CHST11: variants seen among roughly 807,000 people sequenced by gnomAD.
CHST11 encodes the protein C4S-1.
Under a neutral mutation model 30.4 loss-of-function variants are expected in CHST11, and 9 were observed. That is an observed-to-expected ratio of 0.30 (90% CI 0.18 to 0.52). CHST11 has a LOEUF of 0.52. CHST11 is among the 20% of genes least tolerant of loss of function. The pLI is 0.97. For synonymous variants in CHST11, 152 were observed against 187.8 expected (o/e 0.81, Z 1.56); for missense variants, 348 against 460.6 (o/e 0.76, Z 2.24).
At chr12:104,582,616 C>G (rs2038757869) in intron 1 of CHST11, among the ~76,000 whole-genome samples, 1 of 152,110 alleles carries the variant, frequency 6.6e-6, no homozygotes, top group Non-Finnish European at 1.5e-5. Context: ...GTTGGGAACA[C>G]TCAGAGATAA....
In CHST11 at chr12:104,647,874, G is replaced by A. The variant is rs538119769; in HGVS notation, c.204+45883G>A. On this transcript the variant is annotated intron_variant, in intron 2 of 2. Transcript: ENST00000303694. The stretch of plus-strand genomic sequence containing the variant: ...GCTTTCAAGGTGGTGCCCTCACATG[G>A]TTATCAAGTTCGTACTTTTCCACGT... Among the ~76,000 whole-genome samples the A allele has an allele frequency of 1.8e-4, 27 of 152,316 alleles. 1 individual carries two copies. The highest frequency in any genetic ancestry group is 1.6e-3 in the Admixed American group (25 of 15,304).
intron 1 of CHST11, among the ~76,000 whole-genome samples, chr12:104,474,554 C>T (rs1480709506): frequency 6.6e-6 from 1 of 152,150 alleles, no homozygotes; most frequent in African/African-American, 2.4e-5. Flanking sequence ...AAAATAAATC[C>T]AGGGCTGATA....
At chr12:104,521,833 G>T (rs909409166) in intron 1 of CHST11, among the ~76,000 whole-genome samples, 5 of 152,176 alleles carry the variant, frequency 3.3e-5, no homozygotes, top group Admixed American at 3.3e-4. Flanking sequence ...GTCGTATCTT[G>T]TTTCCCTGCC....
chr12:104,638,802 C>T (rs1457986754), intron 2 of CHST11, among the ~76,000 whole-genome samples: 2 of 152,190 alleles, frequency 1.3e-5, no homozygotes, highest in Non-Finnish European at 2.9e-5. Context: ...CAACTTCTTT[C>T]ATAGGGTATA....
intron 1 of CHST11, among the ~76,000 whole-genome samples, chr12:104,549,104 T>G (rs1204809033): frequency 6.6e-6 from 1 of 152,182 alleles, no homozygotes; most frequent in Non-Finnish European, 1.5e-5. Flanking sequence ...AAAATATGAT[T>G]GCGGTAAAGC....
intron 1 of CHST11, among the ~76,000 whole-genome samples, chr12:104,508,138 A>G (rs1398681486): frequency 1.3e-5 from 2 of 152,084 alleles, no homozygotes; most frequent in Admixed American, 6.5e-5. Context: ...TTCCCTCCAT[A>G]TACTGTTCTA....
At chr12:104,554,565 G>A (rs2038436572) in intron 1 of CHST11, among the ~76,000 whole-genome samples, 1 of 152,194 alleles carries the variant, frequency 6.6e-6, no homozygotes, top group Non-Finnish European at 1.5e-5. Flanking sequence ...CCTGGATCAG[G>A]CATTTTCACC....
At chr12:104,606,922 G>A (rs2039010578) in intron 2 of CHST11, among the ~76,000 whole-genome samples, 2 of 151,942 alleles carry the variant, frequency 1.3e-5, no homozygotes, top group South Asian at 4.1e-4. Flanking sequence ...ACAAAAATTC[G>A]CCCGGCATGG....
intron 2 of CHST11, among the ~76,000 whole-genome samples, chr12:104,710,475 C>T (rs1407992041): frequency 6.6e-6 from 1 of 152,112 alleles, no homozygotes; most frequent in Non-Finnish European, 1.5e-5. Flanking sequence ...TTCCTCAGCT[C>T]CTCTAGGACT....
chr12:104,586,336 T>C (rs1292471129), intron 1 of CHST11, among the ~76,000 whole-genome samples: 1 of 152,148 alleles, frequency 6.6e-6, no homozygotes, highest in African/African-American at 2.4e-5. Context: ...TTTAAAAGGT[T>C]GTGTGGCCGG....
intron 1 of CHST11, among the ~76,000 whole-genome samples, chr12:104,544,167 A>AAGGAAGGAAGG (rs1565981272): frequency 8.1e-6 from 1 of 123,482 alleles, no homozygotes; most frequent in African/African-American, 3.1e-5. Context: ...AGAAAGAAAG[A>AAGGAAGGAAGG]AAGAAAGAAA....
Position 104,513,661 on chromosome 12 carries a change from G to A in CHST11, c.118+56132G>A, listed in dbSNP as rs76913678. Among the ~76,000 whole-genome samples, 1,361 of 152,300 alleles carry A rather than the reference G, an allele frequency of 8.9e-3. 13 individuals carry two copies. The highest frequency in any genetic ancestry group is 0.014 in the Non-Finnish European group (921 of 68,026). On this transcript the variant is annotated intron_variant, in intron 1 of 2. Coordinates refer to ENST00000303694, the MANE Select transcript of CHST11 (RefSeq NM_018413.6). ...GAACGACCATCTGTGCCATAAGATG[G>A]ATGAGGCCCAGTGATCCTCTTGTTG...
chr12:104,709,254 C>T (rs1463443841), intron 2 of CHST11, among the ~76,000 whole-genome samples: 1 of 152,222 alleles, frequency 6.6e-6, no homozygotes, highest in Non-Finnish European at 1.5e-5. Flanking sequence ...CAGCCTCGCC[C>T]CCACACCCAG....
intron 2 of CHST11, among the ~76,000 whole-genome samples, chr12:104,617,290 T>C (rs958543120): frequency 3.3e-5 from 5 of 152,068 alleles, no homozygotes; most frequent in Non-Finnish European, 5.9e-5. Flanking sequence ...TATTAATAGT[T>C]CTCTTCATAG....
At chr12:104,540,083 G>A (rs572070674) in intron 1 of CHST11, among the ~76,000 whole-genome samples, 7 of 152,282 alleles carry the variant, frequency 4.6e-5, no homozygotes, top group South Asian at 2.1e-4. Context: ...ACATCACTTC[G>A]TTTGTGTGAC....
At chr12:104,487,916 T>A (rs1330173890) in intron 1 of CHST11, among the ~76,000 whole-genome samples, 1 of 152,032 alleles carries the variant, frequency 6.6e-6, no homozygotes, top group Non-Finnish European at 1.5e-5. Context: ...TTATTTTTAT[T>A]TTTATTTTTT....
intron 2 of CHST11, among the ~76,000 whole-genome samples, chr12:104,618,770 T>C (rs2039133119): frequency 6.6e-6 from 1 of 152,142 alleles, no homozygotes; most frequent in South Asian, 2.1e-4. Flanking sequence ...AGGCGTTTTG[T>C]TGTTGGTGTG....
chr12:104,755,425 G>C (rs2136148601), intron 2 of CHST11, among the ~76,000 whole-genome samples: 1 of 152,306 alleles, frequency 6.6e-6, no homozygotes, highest in South Asian at 2.1e-4. Context: ...TCAGTGTTGT[G>C]GGTGTTCAGT....
At chr12:104,499,482 G>T (rs1174737307) in intron 1 of CHST11, among the ~76,000 whole-genome samples, 2 of 152,174 alleles carry the variant, frequency 1.3e-5, no homozygotes, top group Non-Finnish European at 2.9e-5. Context: ...TTAACTTTAT[G>T]TAGTTCTGGG....
Sources: allele counts gnomAD v4.1 joint callset (sites outside exome capture counted in the v4.1 genomes callset), GRCh38; gene constraint gnomAD v4.1.1; transcripts MANE v1.5; gene names NCBI Gene and HGNC (gene_info 2026-07-23, HGNC 2026-07-21).